COMMD10: variants seen among roughly 807,000 people sequenced by gnomAD.
COMMD10 encodes the protein COMM domain containing 10.
COMMD10 carries 33 observed loss-of-function variants against 28.9 expected under a neutral mutation model. That is an observed-to-expected ratio of 1.14 (90% CI 0.87 to 1.53). The LOEUF (loss-of-function observed/expected upper bound fraction) is 1.53, where lower values mean the gene tolerates loss of function less well. Ranked by LOEUF, COMMD10 falls within the 40% of genes most tolerant of loss-of-function variation. The pLI, the probability that COMMD10 is intolerant of heterozygous loss-of-function variation, is 0.00. For synonymous variants in COMMD10, 110 were observed against 81.7 expected, an observed-to-expected ratio of 1.35 and a Z score of -1.87; for missense variants, 310 against 233.4, an observed-to-expected ratio of 1.33 and a Z score of -2.14.
chr5:116,172,620 A>G (rs1753373352), intron 5 of COMMD10, among the ~76,000 whole-genome samples: 1 of 152,136 alleles, frequency 6.6e-6, no homozygotes, highest in Non-Finnish European at 1.5e-5. Context: ...CTGAGTTCCT[A>G]TTCGAAAAGA....
At chr5:116,154,606 G>T (rs1211506546) in intron 5 of COMMD10, among the ~76,000 whole-genome samples, 1 of 152,004 alleles carries the variant, frequency 6.6e-6, no homozygotes, top group African/African-American at 2.4e-5. Flanking sequence ...AGATAGTTTA[G>T]GTAAGACTTA....
chr5:116,246,766 G>C (rs1749961221), intron 5 of COMMD10, among the ~76,000 whole-genome samples: 1 of 152,214 alleles, frequency 6.6e-6, no homozygotes, highest in South Asian at 2.1e-4. Context: ...AAATAGTGTT[G>C]GGATAATTGG....
At chr5:116,216,831 G>A (rs1445177603) in intron 5 of COMMD10, among the ~76,000 whole-genome samples, 7 of 152,050 alleles carry the variant, frequency 4.6e-5, no homozygotes, top group Admixed American at 4.6e-4. Flanking sequence ...ACTGCACCGG[G>A]CCCTAGCATA....
At chr5:116,279,273 C>T (rs528534408) in intron 5 of COMMD10, among the ~76,000 whole-genome samples, 1 of 151,862 alleles carries the variant, frequency 6.6e-6, no homozygotes, top group East Asian at 1.9e-4. Context: ...GCTATGCTAA[C>T]AAGTTTAGAG....
intron 5 of COMMD10, among the ~76,000 whole-genome samples, chr5:116,249,682 T>C (rs528070311): frequency 3.9e-5 from 6 of 151,914 alleles, no homozygotes; most frequent in Non-Finnish European, 8.8e-5. Context: ...ATAAACTATA[T>C]TGTAGTTTAT....
At chr5:116,102,223 A>G (rs755672990) in intron 4 of COMMD10, among the ~76,000 whole-genome samples, 7 of 152,020 alleles carry the variant, frequency 4.6e-5, no homozygotes, top group Non-Finnish European at 1.0e-4. Context: ...TCATCTTGAG[A>G]TTTTTTTTAT....
At chr5:116,177,274 A>T (rs1753546355) in intron 5 of COMMD10, among the ~76,000 whole-genome samples, 1 of 147,588 alleles carries the variant, frequency 6.8e-6, no homozygotes, top group African/African-American at 2.7e-5. Context: ...GGGTTTTGAG[A>T]AAGGAAAGAA....
intron 5 of COMMD10, among the ~76,000 whole-genome samples, chr5:116,192,566 G>T (rs890674439): frequency 7.2e-5 from 11 of 152,076 alleles, no homozygotes; most frequent in African/African-American, 1.2e-4. Flanking sequence ...TTATAAGAAA[G>T]AAATTCAGAG....
intron 1 of COMMD10, among the ~76,000 whole-genome samples, chr5:116,086,379 A>G (rs796101987): frequency 9.2e-5 from 14 of 152,314 alleles, no homozygotes; most frequent in African/African-American, 2.6e-4. Context: ...ACATCATTTA[A>G]AGTTGATTAT....
intron 4 of COMMD10, among the ~76,000 whole-genome samples, chr5:116,107,524 C>G (rs1406804592): frequency 2.0e-5 from 3 of 151,862 alleles, no homozygotes; most frequent in Non-Finnish European, 4.4e-5. Flanking sequence ...TTTTTCAGCT[C>G]CAAGAGGTCA....
At position 116,283,316 on chromosome 5, in the gene COMMD10, A is replaced by G. The variant is rs986400339; in HGVS notation, c.511-8201A>G. 7.9e-5 allele frequency among the ~76,000 whole-genome samples: 12 copies of G among 151,744 alleles called. No homozygotes were observed. In the East Asian group the frequency reaches 1.5e-3, roughly 20 times the overall value. Reference sequence around the variant, plus strand: ...TATGGAAGGGTGTGTATGTATATCAATATCTTGGCCTATCTAGCTATCACA... The same window carrying G: ...TATGGAAGGGTGTGTATGTATATCAGTATCTTGGCCTATCTAGCTATCACA... On this transcript the variant is annotated intron_variant, in intron 5 of 6. Coordinates refer to ENST00000274458, the MANE Select transcript of COMMD10 (RefSeq NM_016144.4).
intron 5 of COMMD10, among the ~76,000 whole-genome samples, chr5:116,142,252 A>G (rs1400705313): frequency 6.6e-6 from 1 of 151,818 alleles, no homozygotes; most frequent in African/African-American, 2.4e-5. Context: ...ATTCTAAATG[A>G]CTGCATTATG....
chr5:116,272,138 C>A (rs1022431560), intron 5 of COMMD10, among the ~76,000 whole-genome samples: 1 of 151,758 alleles, frequency 6.6e-6, no homozygotes, highest in Non-Finnish European at 1.5e-5. Context: ...CTTTTCTAAG[C>A]GATAATACCA....
At chr5:116,163,598 T>C (rs1235149800) in intron 5 of COMMD10, among the ~76,000 whole-genome samples, 1 of 151,650 alleles carries the variant, frequency 6.6e-6, no homozygotes, top group Non-Finnish European at 1.5e-5. Context: ...TCCAAAAAAA[T>C]AAAAATAAAA....
At chr5:116,135,665 GT>G (rs761552966) in intron 5 of COMMD10, among the ~76,000 whole-genome samples, 2 of 152,126 alleles carry the variant, frequency 1.3e-5, no homozygotes, top group Non-Finnish European at 2.9e-5. Context: ...TGTTGTTGTA[GT>G]TGTTCTATTT....
Position 116,123,579 on chromosome 5 carries a change from C to G in COMMD10, c.400-10489C>G, listed in dbSNP as rs572594877. Among the ~76,000 whole-genome samples, 23 of 152,224 alleles carry G rather than the reference C, an allele frequency of 1.5e-4. No individual in the cohort carries two copies. In the South Asian group the frequency reaches 4.8e-3, roughly 32 times the overall value. ...GCTTTGGTATCAAGATGATGCTGGC[C>G]TCATAAAATGAGTTAGGGAGGATTC... On this transcript the variant is annotated intron_variant, in intron 4 of 6. Transcript: ENST00000274458.
chr5:116,153,391 TGTGGATAA>T (rs1366870945), intron 5 of COMMD10, among the ~76,000 whole-genome samples: 1 of 152,056 alleles, frequency 6.6e-6, no homozygotes, highest in Non-Finnish European at 1.5e-5. Context: ...TTGTTTCTTC[TGTGGATAA>T]GGGCCTGCTG....
rs7718069 is a variant in COMMD10 at position 116,188,795 on chromosome 5, A to T, written c.510+54617A>T. Among the ~76,000 whole-genome samples, 1,235 of 151,646 alleles carry T rather than the reference A, an allele frequency of 8.1e-3. 21 individuals carry two copies. Among genetic ancestry groups the T allele is most frequent in the African/African-American group, 0.028 (1,159 of 41,338 alleles). The stretch of plus-strand genomic sequence containing the variant: ...AGGTGCACACCACCACACTTGACTA[A>T]TCTTTGTATTTTTTTGTAGAGAGGG... On this transcript the variant is annotated intron_variant, in intron 5 of 6. Coordinates refer to ENST00000274458, the MANE Select transcript of COMMD10 (RefSeq NM_016144.4).
intron 5 of COMMD10, among the ~76,000 whole-genome samples, chr5:116,238,524 G>A (rs369302347): frequency 9.9e-5 from 15 of 152,102 alleles, no homozygotes; most frequent in East Asian, 3.9e-4. Context: ...CAAACCTAAA[G>A]CTTCTGTTCT....
Sources: allele counts gnomAD v4.1 joint callset (sites outside exome capture counted in the v4.1 genomes callset), GRCh38; gene constraint gnomAD v4.1.1; transcripts MANE v1.5; gene names NCBI Gene and HGNC (gene_info 2026-07-23, HGNC 2026-07-21).